CA10: variants seen among roughly 807,000 people sequenced by gnomAD.
CA10 encodes carbonic anhydrase 10 (inactive).
CA10 carries 14 observed loss-of-function variants against 44.2 expected under a neutral mutation model. That is an observed-to-expected ratio of 0.32 (90% CI 0.21 to 0.50). CA10 has a LOEUF of 0.50. Ranked by LOEUF, CA10 falls within the 20% of genes least tolerant of loss-of-function variation. The pLI is 0.99. For missense variants in CA10, 350 were observed against 409.7 expected, an observed-to-expected ratio of 0.85 and a Z score of 1.26; for synonymous variants, 159 against 141.6, an observed-to-expected ratio of 1.12 and a Z score of -0.87.
intron 3 of CA10, among the ~76,000 whole-genome samples, chr17:51,838,772 G>C (rs1159057513): frequency 2.0e-5 from 3 of 152,182 alleles, no homozygotes; most frequent in African/African-American, 7.2e-5. Flanking sequence ...ACACAGTTAT[G>C]CTCAAGGGAG....
chr17:51,969,095 G>A (rs9912226), intron 2 of CA10, among the ~76,000 whole-genome samples: 2 of 151,920 alleles, frequency 1.3e-5, no homozygotes, highest in African/African-American at 2.4e-5. Context: ...ATAAAGTGCA[G>A]CAATCTGTTC....
chr17:52,004,822 C>A (rs1334045155), intron 2 of CA10, among the ~76,000 whole-genome samples: 2 of 151,726 alleles, frequency 1.3e-5, no homozygotes, highest in Middle Eastern at 3.4e-3. Context: ...GATAACAGAC[C>A]AATCCCATCC....
intron 4 of CA10, among the ~76,000 whole-genome samples, chr17:51,670,185 T>C (rs1914363508): frequency 6.6e-6 from 1 of 152,178 alleles, no homozygotes; most frequent in African/African-American, 2.4e-5. Context: ...AGCATGAAAA[T>C]GGACCCTTGC....
At chr17:52,018,229 G>A (rs1986029381) in intron 2 of CA10, among the ~76,000 whole-genome samples, 1 of 152,166 alleles carries the variant, frequency 6.6e-6, no homozygotes, top group Admixed American at 6.5e-5. Flanking sequence ...ACTGCCTAGT[G>A]GAGCTGTAGG....
intron 3 of CA10, among the ~76,000 whole-genome samples, chr17:51,799,029 A>G (rs138440994): frequency 5.4e-4 from 83 of 152,304 alleles, no homozygotes; most frequent in Non-Finnish European, 1.0e-3. Context: ...TTGTCCCACA[A>G]ACTCTGAAAG....
intron 3 of CA10, among the ~76,000 whole-genome samples, chr17:51,848,169 AAC>A (rs1288884082): frequency 8.6e-4 from 131 of 152,302 alleles, no homozygotes; most frequent in African/African-American, 2.9e-3. Context: ...AAAAATTTTA[AAC>A]AGAGACAGGA....
At chr17:52,040,982 G>C (rs763529222) in intron 2 of CA10, among the ~76,000 whole-genome samples, 1 of 151,934 alleles carries the variant, frequency 6.6e-6, no homozygotes, top group African/African-American at 2.4e-5. Flanking sequence ...AGGTAAAGGG[G>C]CAATACACAG....
At chr17:51,636,912 A>G (rs10491152) in intron 6 of CA10, among the ~76,000 whole-genome samples, 64,473 of 151,594 alleles carry the variant, frequency 0.43, 14,492 homozygotes, top group Non-Finnish European at 0.49. Context: ...CAGTAATTCA[A>G]TGGTAAAAAT....
chr17:51,949,339 GGAA>G (rs765809656), intron 2 of CA10, among the ~76,000 whole-genome samples: 30 of 152,172 alleles, frequency 2.0e-4, no homozygotes, highest in South Asian at 4.2e-4. Context: ...TCTACAGCTG[GGAA>G]GAAGAATTAG....
chr17:51,754,782 C>CA (rs1905028604), intron 3 of CA10, among the ~76,000 whole-genome samples: 1 of 152,116 alleles, frequency 6.6e-6, no homozygotes, highest in African/African-American at 2.4e-5. Flanking sequence ...GTTAACACAT[C>CA]AATTAACCAC....
At chr17:51,904,854 G>A (rs1416132382) in intron 3 of CA10, among the ~76,000 whole-genome samples, 1 of 152,080 alleles carries the variant, frequency 6.6e-6, no homozygotes, top group African/African-American at 2.4e-5. Context: ...TCTCCAGCTT[G>A]TTCAGAGCTG....
At chr17:52,153,439 G>C (rs928872773) in intron 1 of CA10, among the ~76,000 whole-genome samples, 4 of 152,098 alleles carry the variant, frequency 2.6e-5, no homozygotes, top group Admixed American at 6.5e-5. Context: ...ACAACTGAAA[G>C]AAAAATTCGC....
At chr17:51,701,390 C>A (rs543063822) in intron 4 of CA10, among the ~76,000 whole-genome samples, 2 of 152,302 alleles carry the variant, frequency 1.3e-5, no homozygotes, top group East Asian at 1.9e-4. Flanking sequence ...AAGACCCTGG[C>A]TCCAAATAAG....
chr17:51,877,874 G>A (rs1409476187), intron 3 of CA10, among the ~76,000 whole-genome samples: 1 of 152,004 alleles, frequency 6.6e-6, no homozygotes, highest in African/African-American at 2.4e-5. Flanking sequence ...GCTGGGTGTG[G>A]TGACTCACAC....
chr17:52,114,033 G>A (rs954852342), intron 1 of CA10, among the ~76,000 whole-genome samples: 1 of 152,196 alleles, frequency 6.6e-6, no homozygotes, highest in African/African-American at 2.4e-5. Flanking sequence ...GAACATAGCT[G>A]AATATCAGAG....
intron 2 of CA10, among the ~76,000 whole-genome samples, chr17:52,002,808 C>A (rs1985471455): frequency 6.6e-6 from 1 of 151,828 alleles, no homozygotes; most frequent in African/African-American, 2.4e-5. Flanking sequence ...AGCCAGTTTG[C>A]TTATTACCAT....
chr17:51,922,172 A>C lies in CA10; in HGVS notation c.279+8818T>G, dbSNP rs1310305059. 2.0e-5 allele frequency among the ~76,000 whole-genome samples: 3 copies of C among 152,190 alleles called. No homozygotes were observed. In the East Asian group the frequency reaches 5.8e-4, roughly 29 times the overall value. On this transcript the variant is annotated intron_variant, in intron 3 of 8. Transcript: ENST00000451037. ...TTCTCTCCACCACCACCCTGCAAGG[A>C]AGGTAGAATGATGATGCTCCTTTTA...
intron 4 of CA10, among the ~76,000 whole-genome samples, chr17:51,697,974 A>T (rs1314830321): frequency 6.6e-6 from 1 of 152,106 alleles, no homozygotes; most frequent in African/African-American, 2.4e-5. Flanking sequence ...GTCATTTATA[A>T]TTGGGGCCCA....
chr17:52,008,416 G>T (rs2144130762), intron 2 of CA10, among the ~76,000 whole-genome samples: 1 of 151,920 alleles, frequency 6.6e-6, no homozygotes, highest in Non-Finnish European at 1.5e-5. Flanking sequence ...ACTAGGGAAT[G>T]GGGTGCGTAA....
Sources: gnomAD v4.1 joint callset for allele counts (sites outside exome capture counted in the v4.1 genomes callset) on GRCh38, gnomAD v4.1.1 for gene constraint, MANE v1.5 for transcripts, NCBI Gene and HGNC (gene_info 2026-07-23, HGNC 2026-07-21) for gene names.